Variants in NEB observed in about 807,000 individuals in gnomAD.
NEB encodes the protein nebulin, also known as nemaline myopathy type 2.
A neutral mutation model predicts 952.2 loss-of-function variants in NEB; 512 were observed. The observed-to-expected ratio is 0.54, with a 90% CI of 0.50 to 0.58. The LOEUF is 0.58. Ranked by LOEUF, NEB falls within the 20% of genes least tolerant of loss-of-function variation. The probability of loss-of-function intolerance (pLI) is 0.00; values close to 1 mark genes in which losing one functional copy is unlikely to be tolerated. For synonymous variants in NEB, 2,900 were observed against 3,149.8 expected (o/e 0.92, Z 2.66); for missense variants, 8,428 against 9,231.1 (o/e 0.91, Z 3.56).
At chr2:151,508,242 G>A (rs923941426) in intron 161 of NEB, 133 bp from the exon 162 acceptor site, 4 of 560,316 alleles carry the variant, frequency 7.1e-6, no homozygotes, top group Admixed American at 3.1e-5. Flanking sequence ...AACTGTCCAA[G>A]GATGTTAGGG....
At chr2:151,625,495 A>T in intron 71 of NEB, 39 bp downstream of exon 71, 1 of 1,432,042 alleles carries the variant, frequency 7.0e-7, no homozygotes, top group Non-Finnish European at 9.6e-7. Flanking sequence ...GGCAACAATC[A>T]ATGTGGCCAG....
At chr2:151,573,667 T>C (rs1028177920) in intron 107 of NEB, among the ~76,000 whole-genome samples, 17 of 152,212 alleles carry the variant, frequency 1.1e-4, no homozygotes, top group African/African-American at 4.1e-4. Context: ...CACAAAGACA[T>C]ATTATTCTTT....
chr2:151,631,426 A>C, intron 65 of NEB, 80 bp from the exon 66 acceptor site: 2 of 1,432,154 alleles, frequency 1.4e-6, no homozygotes, highest in Non-Finnish European at 1.9e-6. Flanking sequence ...ATCAGTAATA[A>C]AGTGCAATTC....
At position 151,694,392 on chromosome 2, in the gene NEB, A is replaced by C. The variant is rs1394686888; in HGVS notation, c.1827T>G (p.Ile609Met). ...KDYEKNKGKM[I>M]GVLSINDDPK... ...GATCGTCATTAATGCTGAGGACTCC[A>C]ATCATTTTCCCTTTGTTTTTTTCAT... The change falls in exon 20 of 182, where the codon ATT becomes ATG. Residue 609 changes from isoleucine to methionine, a missense_variant. Transcript: ENST00000397345. The C allele has an allele frequency of 1.9e-6, 3 of 1,613,994 alleles. No individual in the cohort carries two copies. The Admixed American group carries it at 5.0e-5, about 27-fold the overall frequency.
intron 161 of NEB, among the ~76,000 whole-genome samples, chr2:151,510,616 A>ATAAC (rs1446297419): frequency 1.3e-5 from 2 of 152,354 alleles, no homozygotes; most frequent in African/African-American, 4.8e-5. Context: ...ATGTAACTAT[A>ATAAC]TAACTTTTAT....
intron 155 of NEB, 87 bp downstream of exon 155, chr2:151,518,875 TAGC>T (rs1272180045): frequency 1.3e-6 from 1 of 789,628 alleles, no homozygotes; most frequent in East Asian, 2.6e-5. Flanking sequence ...AGGGTATCAG[TAGC>T]AGAGAAGAAG....
chr2:151,549,626 G>A lies in NEB; in HGVS notation c.20049+10C>T. The A allele has an allele frequency of 1.9e-6, 3 of 1,555,262 alleles. No homozygotes were observed. Among genetic ancestry groups the A allele is most frequent in the Non-Finnish European group, 2.6e-6 (3 of 1,138,074 alleles). ...TTCAGACCCATCTCAATGAGGAGGA[G>A]ACCACTCACATAACTGCTCATGTAA... is the stretch of plus-strand genomic sequence containing the variant. On this transcript the variant is annotated intron_variant, in intron 130 of 181. Transcript: ENST00000397345.
intron 4 of NEB, 83 bp downstream of exon 4, chr2:151,729,532 G>T: frequency 6.8e-7 from 1 of 1,473,192 alleles, no homozygotes. Flanking sequence ...TGCCATCTTT[G>T]TGGCCCTGGG....
intron 124 of NEB, among the ~76,000 whole-genome samples, chr2:151,558,946 T>C (rs1257773928): frequency 6.6e-6 from 1 of 151,782 alleles, no homozygotes; most frequent in African/African-American, 2.4e-5. Context: ...CATTGGAATC[T>C]AATTAAACTA....
rs557179412 is a variant in NEB, at chr2:151,526,361, C to CT, written c.21946-100dup. ...CAGTAGAACAGCAGCGTTGACAATA[C>CT]TAAACTCAATAAAAGATGTGATACT... On this transcript the variant is annotated intron_variant, in intron 148 of 181. Coordinates refer to ENST00000397345, the MANE Select transcript of NEB (RefSeq NM_001164508.2). 19 of 831,358 alleles carry CT rather than the reference C, an allele frequency of 2.3e-5. No individual in the cohort carries two copies. The African/African-American group carries it at 2.7e-4, about 12-fold the overall frequency. 51.5% of individuals were successfully genotyped at this position (831,358 alleles called of 1,614,324 possible). A position where few individuals can be genotyped will look rare whatever the true frequency, so the allele number is the denominator to read the frequency against.
intron 29 of NEB, among the ~76,000 whole-genome samples, chr2:151,681,813 A>G (rs2099415988): frequency 6.6e-6 from 1 of 152,178 alleles, no homozygotes; most frequent in African/African-American, 2.4e-5. Flanking sequence ...CTGAATTATA[A>G]TTTATACATT....
intron 60 of NEB, among the ~76,000 whole-genome samples, chr2:151,642,114 C>A (rs2098869493): frequency 6.6e-6 from 1 of 152,176 alleles, no homozygotes; most frequent in Non-Finnish European, 1.5e-5. Context: ...TTAAAGAAAG[C>A]AAATATTTGT....
At chr2:151,690,911 C>T (rs555968605) in intron 23 of NEB, 86 bp from the exon 24 acceptor site, 1 of 977,998 alleles carries the variant, frequency 1.0e-6, no homozygotes, top group Non-Finnish European at 1.6e-6. Context: ...CAGGTCAAAA[C>T]AGAGTTTATT....
chr2:151,685,458 G>T (rs1449008868), intron 27 of NEB, among the ~76,000 whole-genome samples: 1 of 152,096 alleles, frequency 6.6e-6, no homozygotes, highest in Non-Finnish European at 1.5e-5. Context: ...ATAGTCAACT[G>T]GTTTTTTAAC....
chr2:151,546,345 C>T lies in NEB; in HGVS notation c.20466G>A (p.Trp6822Ter), dbSNP rs1328181862. Residue 6822 changes from tryptophan to a stop codon, truncating the protein, a stop_gained and splice_region_variant, in exon 134 of 182, where the codon TGG becomes TGA. Transcript: ENST00000397345. LOFTEE classifies it high-confidence loss of function. ...ATGCATTGTGATGATGTGCACTCACCCAGAGCTTCCGCAGGTGCCGGGAGC... is the reference window on the plus strand; with the variant it reads ...ATGCATTGTGATGATGTGCACTCACTCAGAGCTTCCGCAGGTGCCGGGAGC... ...MVRSRHLRKL[W>*]SNYLYTDKAR... 1 of 1,611,132 alleles carries T rather than the reference C, an allele frequency of 6.2e-7. No individual in the cohort carries two copies. The highest frequency in any genetic ancestry group is 8.5e-7 in the Non-Finnish European group (1 of 1,178,488).
At chr2:151,500,593 CTT>C (rs11428843) in intron 168 of NEB, among the ~76,000 whole-genome samples, 4 of 118,424 alleles carry the variant, frequency 3.4e-5, no homozygotes, top group South Asian at 2.8e-4. Flanking sequence ...TTCTTTCTTC[CTT>C]TTTTTTTTTT....
chr2:151,663,623 C>T lies in NEB; in HGVS notation c.5688G>A (p.Val1896=), dbSNP rs766626019. 1 of 1,613,830 alleles carries T rather than the reference C, an allele frequency of 6.2e-7. No homozygotes were observed. Residue 1896 remains valine (V), a synonymous_variant, in exon 45 of 182, where the codon GTG becomes GTA. Transcript: ENST00000397345. ...EVATNANYRN[V]IHTYNMLPDA... ...CAGGAAGCATGTTGTAGGTATGGAT[C>T]ACGTTCCTGTAGTTGGCATTGGTGG...
At chr2:151,499,441 C>G (rs1283987282) in intron 168 of NEB, 51 bp from the exon 169 acceptor site, 1 of 976,386 alleles carries the variant, frequency 1.0e-6, no homozygotes, top group South Asian at 1.4e-5. Flanking sequence ...TCAAAACAGC[C>G]CTTTCATCTA....
intron 157 of NEB, among the ~76,000 whole-genome samples, chr2:151,515,925 C>CT (rs2077499099): frequency 6.6e-6 from 1 of 152,140 alleles, no homozygotes; most frequent in Non-Finnish European, 1.5e-5. Context: ...TGAAGACAGA[C>CT]TAAGATTTAA....
Sources: allele counts gnomAD v4.1 joint callset (sites outside exome capture counted in the v4.1 genomes callset), GRCh38; gene constraint gnomAD v4.1.1; transcripts MANE v1.5; gene names NCBI Gene and HGNC (gene_info 2026-07-23, HGNC 2026-07-21).